Variants in MNAT1 observed in about 807,000 individuals in gnomAD.
MNAT1 encodes MNAT1 component of CDK activating kinase.
MNAT1 carries 43 observed loss-of-function variants against 42.0 expected under a neutral mutation model. The observed-to-expected ratio is 1.02, with a 90% CI of 0.80 to 1.32. The LOEUF (loss-of-function observed/expected upper bound fraction) is 1.32. Ranked by LOEUF, MNAT1 falls within the 40% of genes most tolerant of loss-of-function variation. MNAT1 has a pLI of 0.00. For missense variants in MNAT1, 306 were observed against 350.4 expected, an observed-to-expected ratio of 0.87 and a Z score of 1.01; for synonymous variants, 118 against 120.0, an observed-to-expected ratio of 0.98 and a Z score of 0.11.
intron 3 of MNAT1, chr14:60,799,377 T>C: frequency 1.0e-6 from 1 of 985,332 alleles, no homozygotes; most frequent in South Asian, 4.7e-5. Flanking sequence ...CTACAAGAAC[T>C]GGGCAAGTAT....
intron 6 of MNAT1, among the ~76,000 whole-genome samples, chr14:60,845,781 G>A (rs145513804): frequency 1.8e-3 from 281 of 152,180 alleles, no homozygotes; most frequent in African/African-American, 6.6e-3. Context: ...AATACAAAAT[G>A]TAGTCTTTTG....
chr14:60,845,042 T>C (rs1225586135), intron 6 of MNAT1, among the ~76,000 whole-genome samples: 2 of 152,032 alleles, frequency 1.3e-5, no homozygotes, highest in African/African-American at 4.8e-5. Context: ...ATCAGGGATA[T>C]GGCTCTATAC....
chr14:60,900,838 A>G (rs1171690834), intron 7 of MNAT1, among the ~76,000 whole-genome samples: 1 of 151,702 alleles, frequency 6.6e-6, no homozygotes, highest in Non-Finnish European at 1.5e-5. Flanking sequence ...ATGGCAAAAA[A>G]TACAAAAATT....
At chr14:60,808,580 T>C (rs1380688596) in intron 4 of MNAT1, 152 bp downstream of exon 4, 7 of 493,568 alleles carry the variant, frequency 1.4e-5, no homozygotes, top group Non-Finnish European at 2.5e-5. Context: ...TGTATAGGTA[T>C]GTAGGTAGGC....
chr14:60,851,614 G>T lies in MNAT1; in HGVS notation c.688-28100G>T, dbSNP rs140447795. ...TTTGTTACGTAGGTACACATGTGCC[G>T]TGGTGGTTTGCTGCACCTATCAACC... is the stretch of plus-strand genomic sequence containing the variant. On this transcript the variant is annotated intron_variant, in intron 6 of 7. Coordinates refer to ENST00000261245, the MANE Select transcript of MNAT1 (RefSeq NM_002431.4). Among the ~76,000 whole-genome samples the T allele has an allele frequency of 1.7e-3, 264 of 152,138 alleles. 1 individual carries two copies. Among genetic ancestry groups the T allele is most frequent in the African/African-American group, 6.0e-3 (250 of 41,504 alleles).
intron 7 of MNAT1, among the ~76,000 whole-genome samples, chr14:60,903,420 G>T (rs766862484): frequency 1.3e-5 from 2 of 152,090 alleles, no homozygotes; most frequent in African/African-American, 4.8e-5. Flanking sequence ...ATTAGTTTAC[G>T]TTCTACCAGT....
At chr14:60,923,292 A>C (rs568196588) in intron 7 of MNAT1, among the ~76,000 whole-genome samples, 3 of 152,148 alleles carry the variant, frequency 2.0e-5, no homozygotes, top group Non-Finnish European at 4.4e-5. Context: ...CCAGAATTTC[A>C]TTTCCAACAA....
At chr14:60,811,503 C>T (rs2032544295) in intron 4 of MNAT1, among the ~76,000 whole-genome samples, 1 of 151,922 alleles carries the variant, frequency 6.6e-6, no homozygotes, top group African/African-American at 2.4e-5. Context: ...AGGGTTTCAC[C>T]ATGTTGGCCA....
chr14:60,838,101 C>G (rs1159643228), intron 6 of MNAT1, among the ~76,000 whole-genome samples: 1 of 151,918 alleles, frequency 6.6e-6, no homozygotes, highest in East Asian at 1.9e-4. Context: ...TTGATCTGTT[C>G]AGAGAACCAG....
intron 7 of MNAT1, among the ~76,000 whole-genome samples, chr14:60,895,788 CA>C (rs935593737): frequency 1.3e-5 from 2 of 152,094 alleles, no homozygotes; most frequent in African/African-American, 4.8e-5. Flanking sequence ...CAAAACAAAA[CA>C]AAAGAAATCA....
chr14:60,779,942 G>A, intron 1 of MNAT1: 1 of 1,366,910 alleles, frequency 7.3e-7, no homozygotes, highest in Non-Finnish European at 1.0e-6. Context: ...GAAAGCGCGT[G>A]CCTTTGTTTG....
chr14:60,795,593 A>G (rs141504797), intron 1 of MNAT1, among the ~76,000 whole-genome samples: 45 of 152,272 alleles, frequency 3.0e-4, no homozygotes, highest in African/African-American at 1.0e-3. Context: ...TAAAGCTTTT[A>G]TAAGCAGCCA....
At chr14:60,831,630 A>G (rs145194238) in intron 6 of MNAT1, among the ~76,000 whole-genome samples, 2,563 of 152,296 alleles carry the variant, frequency 0.017, 134 homozygotes, top group East Asian at 0.16. Flanking sequence ...TAGTGCTGCA[A>G]TAAACATATG....
At chr14:60,787,837 A>T (rs1228191385) in intron 1 of MNAT1, among the ~76,000 whole-genome samples, 1 of 152,088 alleles carries the variant, frequency 6.6e-6, no homozygotes, top group African/African-American at 2.4e-5. Context: ...TCCACTTCTA[A>T]TTCTAGTTCT....
At chr14:60,896,050 G>A (rs183913726) in intron 7 of MNAT1, among the ~76,000 whole-genome samples, 26 of 152,302 alleles carry the variant, frequency 1.7e-4, no homozygotes, top group Admixed American at 1.4e-3. Flanking sequence ...ATACTGCGTT[G>A]AGATTTTTAG....
intron 5 of MNAT1, 83 bp downstream of exon 5, chr14:60,812,210 G>A (rs1437437782): frequency 7.6e-7 from 1 of 1,315,316 alleles, no homozygotes; most frequent in Non-Finnish European, 1.0e-6. Context: ...GGCATTTAAA[G>A]GGCTTTTCCA....
chr14:60,899,981 C>T (rs1350162289), intron 7 of MNAT1, among the ~76,000 whole-genome samples: 1 of 151,362 alleles, frequency 6.6e-6, no homozygotes. Context: ...ACAAACTGTA[C>T]CCGTATAAGA....
At chr14:60,934,358 GTA>G (rs1163861590) in intron 7 of MNAT1, among the ~76,000 whole-genome samples, 1 of 152,052 alleles carries the variant, frequency 6.6e-6, no homozygotes. Flanking sequence ...TTTCATCCTG[GTA>G]TCTGCACCTT....
At position 60,879,850 on chromosome 14, in the gene MNAT1, G is replaced by A; in HGVS notation, c.809+15G>A. On this transcript the variant is annotated intron_variant, in intron 7 of 7. Transcript: ENST00000261245. ...GGAAGACTTGGGTATGTGTCCTAAA[G>A]AACTTTACATTGAGGAGCTGATATG... 1 of 1,608,034 alleles carries A rather than the reference G, an allele frequency of 6.2e-7. No homozygotes were observed. Among genetic ancestry groups the A allele is most frequent in the Non-Finnish European group, 8.5e-7 (1 of 1,177,778 alleles).
Sources: allele counts gnomAD v4.1 joint callset (sites outside exome capture counted in the v4.1 genomes callset), GRCh38; gene constraint gnomAD v4.1.1; transcripts MANE v1.5; gene names NCBI Gene and HGNC (gene_info 2026-07-23, HGNC 2026-07-21).